Variants in IFI35 observed in about 807,000 individuals in gnomAD.
IFI35 encodes the protein interferon induced protein 35, also known as interferon-induced 35 kDa protein.
A neutral mutation model predicts 28.6 loss-of-function variants in IFI35; 30 were observed. The ratio of observed to expected loss-of-function variants is 1.05; its 90% CI spans 0.79 to 1.43. The LOEUF (loss-of-function observed/expected upper bound fraction) is 1.43. Ranked by LOEUF, IFI35 falls within the 40% of genes most tolerant of loss-of-function variation. The pLI, the probability that IFI35 is intolerant of heterozygous loss-of-function variation, is 0.00. For synonymous variants in IFI35, 146 were observed against 154.8 expected (o/e 0.94, Z 0.42); for missense variants, 372 against 356.9 (o/e 1.04, Z -0.34).
Position 43,014,116 on chromosome 17 carries a change from G to A in IFI35, c.678G>A (p.Ser226=), listed in dbSNP as rs757512640. The change falls in exon 7 of 7, where the codon TCG becomes TCA. Residue 226 remains serine, a synonymous_variant. Transcript: ENST00000415816. ...CCTGGCTCCTTTTCCAGATCAGGTC[G>A]CAGCCAGTTCCCCGCTCGGTACTGG... ...NGEIQKAEIR[S]QPVPRSVLVL... 5 of 1,613,742 alleles carry A rather than the reference G, an allele frequency of 3.1e-6. No individual in the cohort carries two copies. The highest frequency in any genetic ancestry group is 2.2e-5 in the South Asian group (2 of 91,058).
intron 2 of IFI35, 96 bp downstream of exon 2, chr17:43,012,373 G>C: frequency 1.3e-6 from 1 of 785,230 alleles, no homozygotes; most frequent in Non-Finnish European, 2.1e-6. Flanking sequence ...GGTAGGCCAA[G>C]GGGGCCTGAT....
At chr17:43,013,945 G>A (rs1169047677) in intron 6 of IFI35, 63 bp downstream of exon 6, 4 of 1,374,274 alleles carry the variant, frequency 2.9e-6, no homozygotes, top group African/African-American at 2.9e-5. Context: ...CCAGGAACTT[G>A]CCCAATGAAG....
rs374815335 is a variant in IFI35 at position 43,013,300 on chromosome 17, C to T, written c.302C>T (p.Thr101Met). 1.9e-5 allele frequency: 31 copies of T among 1,614,022 alleles called. No homozygotes were observed. Among genetic ancestry groups the T allele is most frequent in the Middle Eastern group, 1.6e-4 (1 of 6,084 alleles). ...CAGGTGCTGCAACAAAAGGAGCACA[C>T]GATCAACATGGAGGAGTGCCGGCTG... The part of the protein sequence containing the change: ...AEQVLQQKEH[T>M]INMEECRLRV... Residue 101 changes from threonine (T) to methionine (M), a missense_variant, in exon 4 of 7, where the codon ACG becomes ATG. By Grantham distance (81) the Thr-to-Met change is moderately conservative. Transcript: ENST00000415816.
intron 1 of IFI35, 62 bp from the exon 2 acceptor site, chr17:43,012,116 CT>C (rs2050464335): frequency 2.4e-6 from 3 of 1,265,408 alleles, no homozygotes; most frequent in Admixed American, 4.6e-5. Flanking sequence ...CCCACTTCCC[CT>C]GGGCTTGTTG....
In IFI35 at chr17:43,012,308, A is replaced by G. The variant is rs761392050; in HGVS notation, c.120+31A>G. 31 of 1,526,220 alleles carry G rather than the reference A, an allele frequency of 2.0e-5. No individual in the cohort carries two copies. In the East Asian group the frequency reaches 7.1e-4, roughly 35 times the overall value. 94.5% of individuals were successfully genotyped at this position (1,526,220 alleles called of 1,614,324 possible). A position where few individuals can be genotyped will look rare whatever the true frequency, so the allele number is the denominator to read the frequency against. ...GTGGGAGATCTGGTGTTGTTTGGTAAAAACGAGCTGGCGAGGCCGGGTGCG... is the reference window on the plus strand; with the variant it reads ...GTGGGAGATCTGGTGTTGTTTGGTAGAAACGAGCTGGCGAGGCCGGGTGCG... On this transcript the variant is annotated intron_variant, in intron 2 of 6. Transcript: ENST00000415816.
intron 1 of IFI35, among the ~76,000 whole-genome samples, chr17:43,010,301 G>A (rs905808889): frequency 6.6e-6 from 1 of 151,868 alleles, no homozygotes; most frequent in Non-Finnish European, 1.5e-5. Flanking sequence ...GCTGAGATGA[G>A]AGGATTGATT....
rs763757077 is a variant in IFI35, at chr17:43,006,969, G to A, written c.21+1G>A. ...ACCCATGTCAGCCCCACTGGATGCC[G>A]TAAGTGAGGAGGAGGGAGTTGGGAA... On this transcript the variant is annotated splice_donor_variant, in intron 1 of 6. Transcript: ENST00000415816. LOFTEE classifies it high-confidence loss of function. 1.2e-5 allele frequency: 20 copies of A among 1,613,800 alleles called. No individual in the cohort carries two copies. The highest frequency in any genetic ancestry group is 1.5e-5 in the Non-Finnish European group (18 of 1,179,836).
At chr17:43,011,849 G>A (rs180805732) in intron 1 of IFI35, among the ~76,000 whole-genome samples, 24 of 152,252 alleles carry the variant, frequency 1.6e-4, no homozygotes, top group African/African-American at 4.8e-4. Context: ...CCTGAGGGTC[G>A]TACCCTTATC....
chr17:43,013,170 C>G lies in IFI35; in HGVS notation c.244C>G (p.Leu82Val), dbSNP rs2050478441. Residue 82 changes from leucine to valine, a missense_variant, in exon 3 of 7, where the codon CTG becomes GTG. Coordinates refer to ENST00000415816, the MANE Select transcript of IFI35 (RefSeq NM_001330230.2). ...CTGCCCTCTGCTTGCGGGCTCTGCT[C>G]TGATCACCTTTGATGACCCCAAAGG... is the stretch of plus-strand genomic sequence containing the variant. Reference protein sequence around the residue: ...IHCPLLAGSALITFDDPKVAE... With the variant: ...IHCPLLAGSAVITFDDPKVAE... The G allele has an allele frequency of 6.2e-7, 1 of 1,613,990 alleles. No homozygotes were observed. The highest frequency in any genetic ancestry group is 1.3e-5 in the African/African-American group (1 of 74,886).
intron 1 of IFI35, among the ~76,000 whole-genome samples, chr17:43,009,772 A>T (rs933613056): frequency 4.0e-5 from 6 of 151,814 alleles, no homozygotes; most frequent in East Asian, 1.9e-4. Flanking sequence ...AATAAATAAA[A>T]AATAAAAAAA....
chr17:43,008,765 C>T (rs529547948), intron 1 of IFI35, among the ~76,000 whole-genome samples: 22 of 151,704 alleles, frequency 1.5e-4, no homozygotes, highest in East Asian at 9.8e-4. Flanking sequence ...CCTCGTGATC[C>T]GCCTGCCTCA....
chr17:43,006,923 C>T lies in IFI35; in HGVS notation c.-25C>T, dbSNP rs774366053. 2 of 1,613,920 alleles carry T rather than the reference C, an allele frequency of 1.2e-6. No homozygotes were observed. Among genetic ancestry groups the T allele is most frequent in the South Asian group, 2.2e-5 (2 of 91,068 alleles). ...ACTGTGCCCAGCTCTGAAGCCTCAGCTCTTGCCAAACAGACCCGAGACCCA... is the reference window on the plus strand; with the variant it reads ...ACTGTGCCCAGCTCTGAAGCCTCAGTTCTTGCCAAACAGACCCGAGACCCA... On this transcript the variant is annotated 5_prime_UTR_variant, in exon 1 of 7. Transcript: ENST00000415816.
intron 1 of IFI35, chr17:43,011,968 T>C (rs1027294998): frequency 5.1e-6 from 2 of 394,796 alleles, no homozygotes; most frequent in Non-Finnish European, 9.2e-6. Context: ...CAAAGGCTCC[T>C]GCCCTTTCAA....
intron 1 of IFI35, among the ~76,000 whole-genome samples, chr17:43,007,848 TA>T (rs1375673107): frequency 0.036 from 88 of 2,422 alleles, 2 homozygotes; most frequent in Admixed American, 0.11. Context: ...ACACAAAATT[TA>T]TATATATATA....
chr17:43,010,306 T>C (rs2050446837), intron 1 of IFI35, among the ~76,000 whole-genome samples: 1 of 150,758 alleles, frequency 6.6e-6, no homozygotes, highest in African/African-American at 2.4e-5. Flanking sequence ...GATGAGAGGA[T>C]TGATTGATTC....
In IFI35 at chr17:43,007,523, T is replaced by A. The variant is rs1423513107; in HGVS notation, c.21+555T>A. Among the ~76,000 whole-genome samples the A allele has an allele frequency of 1.6e-3, 220 of 139,806 alleles. 4 individuals are homozygous for A. The East Asian group carries it at 0.03, about 19-fold the overall frequency. 91.7% of individuals were successfully genotyped at this position (139,806 alleles called of 152,430 possible). ...CTGTCTAAAAAAAAAAAAAAAAAAATTAAACTAAAGGAATTAGGCTGGGTG... is the reference window on the plus strand; with the variant it reads ...CTGTCTAAAAAAAAAAAAAAAAAAAATAAACTAAAGGAATTAGGCTGGGTG... On this transcript the variant is annotated intron_variant, in intron 1 of 6. Coordinates refer to ENST00000415816, the MANE Select transcript of IFI35 (RefSeq NM_001330230.2).
At chr17:43,010,337 G>A (rs1299629484) in intron 1 of IFI35, among the ~76,000 whole-genome samples, 1 of 152,112 alleles carries the variant, frequency 6.6e-6, no homozygotes, top group Non-Finnish European at 1.5e-5. Context: ...AGGCTGCAGT[G>A]AGCCATAATG....
chr17:43,011,016 C>A (rs1325038428), intron 1 of IFI35, among the ~76,000 whole-genome samples: 6 of 152,178 alleles, frequency 3.9e-5, no homozygotes, highest in African/African-American at 1.4e-4. Flanking sequence ...CAGATCACAC[C>A]CAGCCTAAAA....
intron 1 of IFI35, among the ~76,000 whole-genome samples, chr17:43,010,386 G>T (rs2050447822): frequency 6.6e-6 from 1 of 152,116 alleles, no homozygotes; most frequent in Non-Finnish European, 1.5e-5. Flanking sequence ...TTGAGACTTT[G>T]TCTCAAAAAA....
Sources: allele counts gnomAD v4.1 joint callset (sites outside exome capture counted in the v4.1 genomes callset), GRCh38; gene constraint gnomAD v4.1.1; transcripts MANE v1.5; gene names NCBI Gene and HGNC (gene_info 2026-07-23, HGNC 2026-07-21).